Variants in PTPRD observed in about 807,000 individuals in gnomAD.
The protein encoded by PTPRD is protein tyrosine phosphatase receptor type D.
PTPRD carries 34 observed loss-of-function variants against 214.5 expected under a neutral mutation model. The ratio of observed to expected loss-of-function variants is 0.16; its 90% confidence interval spans 0.12 to 0.21. PTPRD has a LOEUF of 0.21. Among genes scored for constraint, PTPRD ranks in the 10% least tolerant of loss-of-function variants. PTPRD has a pLI of 1.00. For synonymous variants in PTPRD, 1,128 were observed against 845.7 expected, an observed-to-expected ratio of 1.33 and a Z score of -5.79; for missense variants, 2,545 against 2,398.7, an observed-to-expected ratio of 1.06 and a Z score of -1.27.
Position 8,518,392 on chromosome 9 carries a change from C to G in PTPRD, c.999G>C (p.Glu333Asp), listed in dbSNP as rs2097824023. The change falls in exon 21 of 46, where the codon GAG (glutamate) becomes GAC (aspartate). Residue 333 changes from glutamate to aspartate, a missense_variant. Glu to Asp is a conservative substitution (Grantham distance 45, BLOSUM62 2). Transcript: ENST00000381196. ...PKPPGTPVVT[E>D]STATSITLTW... ...TCAGTGTGATGCTTGTAGCTGTGCTCTCGGTCACTACAGGAGTTCCTGGAG... is the reference window on the plus strand; with the variant it reads ...TCAGTGTGATGCTTGTAGCTGTGCTGTCGGTCACTACAGGAGTTCCTGGAG... 6.2e-7 allele frequency: 1 copy of G among 1,613,340 alleles called. No individual in the cohort carries two copies.
chr9:8,365,542 T>C (rs2079606838), intron 39 of PTPRD, among the ~76,000 whole-genome samples: 1 of 151,952 alleles, frequency 6.6e-6, no homozygotes, highest in African/African-American at 2.4e-5. Context: ...TCACATTGTA[T>C]TTAGCCAGGC....
intron 11 of PTPRD, among the ~76,000 whole-genome samples, chr9:8,911,542 G>A (rs1277459235): frequency 6.6e-6 from 1 of 151,910 alleles, no homozygotes; most frequent in Non-Finnish European, 1.5e-5. Flanking sequence ...AGACCCAAAT[G>A]TAAGAGCTAA....
chr9:8,722,891 T>C (rs1401072824), intron 12 of PTPRD, among the ~76,000 whole-genome samples: 1 of 152,218 alleles, frequency 6.6e-6, no homozygotes, highest in South Asian at 2.1e-4. Flanking sequence ...TGCAAGTCTA[T>C]ATCGGCTGGT....
intron 11 of PTPRD, among the ~76,000 whole-genome samples, chr9:8,913,047 C>A (rs985679620): frequency 2.6e-5 from 4 of 152,014 alleles, no homozygotes; most frequent in Admixed American, 1.3e-4. Context: ...TGAATTTATA[C>A]CCCGCCATTT....
chr9:10,222,483 A>T (rs1470435154), intron 3 of PTPRD, among the ~76,000 whole-genome samples: 6 of 152,136 alleles, frequency 3.9e-5, no homozygotes, highest in Non-Finnish European at 8.8e-5. Flanking sequence ...TAATTCCAAC[A>T]AAGCTGGCTG....
intron 5 of PTPRD, among the ~76,000 whole-genome samples, chr9:9,812,902 G>C (rs2047592367): frequency 6.6e-6 from 1 of 152,062 alleles, no homozygotes; most frequent in South Asian, 2.1e-4. Context: ...GCAAATTTAA[G>C]AGGACTGAAA....
chr9:9,638,831 G>T (rs779261164), intron 7 of PTPRD, among the ~76,000 whole-genome samples: 2 of 152,134 alleles, frequency 1.3e-5, no homozygotes, highest in South Asian at 2.1e-4. Flanking sequence ...TCTGGTGAGG[G>T]TCTGGTCCTG....
rs550961095 is a variant in PTPRD, at chr9:8,639,121, G to A, written c.65-2277C>T. Among the ~76,000 whole-genome samples, 19 of 152,296 alleles carry A rather than the reference G, an allele frequency of 1.2e-4. 1 individual carries two copies. In the Middle Eastern group the frequency reaches 0.027, roughly 218 times the overall value. On this transcript the variant is annotated intron_variant, in intron 12 of 45. Transcript: ENST00000381196. ...CTCCCAAAGTGCTGGGATTACAGGC[G>A]TGAGCCACCACGCCCGGCCTCAAAA... is the stretch of plus-strand genomic sequence containing the variant.
At chr9:8,964,126 T>C (rs1237567383) in intron 11 of PTPRD, among the ~76,000 whole-genome samples, 4 of 151,050 alleles carry the variant, frequency 2.6e-5, no homozygotes, top group Admixed American at 6.6e-5. Flanking sequence ...TTCAGTAGAA[T>C]TGGTACTAGC....
chr9:9,390,167 G>C (rs1277094880), intron 9 of PTPRD, among the ~76,000 whole-genome samples: 1 of 152,116 alleles, frequency 6.6e-6, no homozygotes, highest in African/African-American at 2.4e-5. Context: ...TGGGACAGCG[G>C]GGAAGCCGGA....
intron 11 of PTPRD, among the ~76,000 whole-genome samples, chr9:8,933,815 T>C (rs549776272): frequency 5.9e-5 from 9 of 152,280 alleles, no homozygotes; most frequent in Non-Finnish European, 1.3e-4. Flanking sequence ...ATAAAAATCA[T>C]GATGCAAGAT....
chr9:9,238,967 G>A (rs57210926), intron 9 of PTPRD, among the ~76,000 whole-genome samples: 3 of 151,908 alleles, frequency 2.0e-5, no homozygotes, highest in African/African-American at 4.8e-5. Flanking sequence ...AGACAGCCAC[G>A]GTGTGTCTTT....
intron 3 of PTPRD, among the ~76,000 whole-genome samples, chr9:10,037,747 A>C (rs1238745674): frequency 1.3e-5 from 2 of 152,152 alleles, no homozygotes; most frequent in South Asian, 4.1e-4. Context: ...TACATGCAAA[A>C]AGACGTTTTG....
chr9:8,870,687 A>AACACACACACACACACACACACACACAC (rs3046878), intron 11 of PTPRD, among the ~76,000 whole-genome samples: 1 of 131,372 alleles, frequency 7.6e-6, no homozygotes, highest in African/African-American at 2.9e-5. Context: ...ACAGACATGA[A>AACACACACACACACACACACACACACAC]ACACACACAC....
chr9:9,409,880 A>G (rs1439968342), intron 8 of PTPRD, among the ~76,000 whole-genome samples: 2 of 151,886 alleles, frequency 1.3e-5, no homozygotes, highest in African/African-American at 4.9e-5. Context: ...AATACAGATA[A>G]CGATAAGAAA....
Position 8,983,826 on chromosome 9 carries a change from C to T in PTPRD, c.-104+34871G>A, listed in dbSNP as rs188844957. Among the ~76,000 whole-genome samples, 161 of 152,042 alleles carry T rather than the reference C, an allele frequency of 1.1e-3. 2 individuals carry two copies. The highest frequency in any genetic ancestry group is 3.8e-3 in the African/African-American group (157 of 41,540). On this transcript the variant is annotated intron_variant, in intron 11 of 45. Transcript: ENST00000381196. Reference sequence around the variant, plus strand: ...GTGCCCAGCCAATTTTATATACTTTCTTAATCTCATCTTTACTATAACTAT... The same window carrying T: ...GTGCCCAGCCAATTTTATATACTTTTTTAATCTCATCTTTACTATAACTAT...
chr9:9,189,639 C>T (rs1267084122), intron 9 of PTPRD, among the ~76,000 whole-genome samples: 1 of 151,970 alleles, frequency 6.6e-6, no homozygotes, highest in Non-Finnish European at 1.5e-5. Context: ...ACTGAAAAAG[C>T]AGAAGACAGG....
chr9:9,736,865 GT>G (rs2098306488), intron 6 of PTPRD, among the ~76,000 whole-genome samples: 1 of 151,876 alleles, frequency 6.6e-6, no homozygotes, highest in Non-Finnish European at 1.5e-5. Flanking sequence ...GTGAAAATCT[GT>G]TCCCTACTCC....
chr9:8,337,535 A>G (rs1848164168), intron 43 of PTPRD, among the ~76,000 whole-genome samples: 1 of 152,054 alleles, frequency 6.6e-6, no homozygotes, highest in Admixed American at 6.6e-5. Context: ...CCACCGTGGC[A>G]CATGTATAAT....
Sources: allele counts gnomAD v4.1 joint callset (sites outside exome capture counted in the v4.1 genomes callset), GRCh38; gene constraint gnomAD v4.1.1; transcripts MANE v1.5; gene names NCBI Gene and HGNC (gene_info 2026-07-23, HGNC 2026-07-21).